The following TXNL4A variants were observed in gnomAD, a reference collection of about 807,000 sequenced individuals.
The protein encoded by TXNL4A is thioredoxin like 4A, also known as thioredoxin-like protein 4A.
In TXNL4A, 17 loss-of-function variants were observed where a neutral mutation model predicts 14.6. That is an observed-to-expected ratio of 1.16 (90% confidence interval 0.80 to 1.74). TXNL4A has a LOEUF of 1.74. TXNL4A is among the 40% of genes most tolerant of loss of function. The pLI, the probability that TXNL4A is intolerant of heterozygous loss-of-function variation, is 0.00. For synonymous variants in TXNL4A, 83 were observed against 70.6 expected (o/e 1.18, Z -0.88); for missense variants, 74 against 195.2 (o/e 0.38, Z 3.70).
At chr18:80,004,126 A>C (rs1258374093) in intron 1 of TXNL4A, among the ~76,000 whole-genome samples, 1 of 63,094 alleles carries the variant, frequency 1.6e-5, no homozygotes, top group African/African-American at 3.9e-5. Flanking sequence ...ACCATAAGCT[A>C]CTTAAAAAAA....
At chr18:79,994,945 C>G (rs766329317) in intron 1 of TXNL4A, 5 of 152,162 alleles carry the variant, frequency 3.3e-5, no homozygotes, top group Admixed American at 6.6e-5. Context: ...TACTTCCTGC[C>G]GATTCTCTGG....
intron 1 of TXNL4A, among the ~76,000 whole-genome samples, chr18:80,012,004 A>G (rs376255284): frequency 6.6e-6 from 1 of 152,152 alleles, no homozygotes; most frequent in African/African-American, 2.4e-5. Flanking sequence ...CCCTAAGAAC[A>G]AAGAGCTTGT....
In TXNL4A at chr18:80,011,545, G is replaced by A. The variant is rs2051769654; in HGVS notation, c.-61+22306C>T. Among the ~76,000 whole-genome samples, 1 of 152,082 alleles carries A rather than the reference G, an allele frequency of 6.6e-6. No homozygotes were observed. The highest frequency in any genetic ancestry group is 6.6e-5 in the Admixed American group (1 of 15,260). On this transcript the variant is annotated intron_variant, in intron 1 of 2. Coordinates refer to the TXNL4A transcript ENST00000585474. The surrounding 1 kb of genome is among the most constrained non-coding windows in gnomAD (Gnocchi z 4.1). ...GGAAAGAGTTTCTGGGGCGCCAGAT[G>A]AGTTGGTCTCCCCTGTGTGAGACAC...
chr18:80,004,061 T>C (rs1197056134), intron 1 of TXNL4A, among the ~76,000 whole-genome samples: 5 of 151,762 alleles, frequency 3.3e-5, no homozygotes, highest in African/African-American at 1.2e-4. Flanking sequence ...AGTCCTGGCT[T>C]CAAGAAATCA....
At chr18:79,986,846 C>G (rs1020957447) in intron 1 of TXNL4A, 2 of 882,494 alleles carry the variant, frequency 2.3e-6, no homozygotes, top group Non-Finnish European at 2.7e-6. Context: ...GTCAATTCTT[C>G]GCTGGATTTC....
At chr18:79,979,516 A>T (rs2051431233) in intron 1 of TXNL4A, 1 of 152,238 alleles carries the variant, frequency 6.6e-6, no homozygotes, top group Non-Finnish European at 1.5e-5. Flanking sequence ...CAAGTGTGTG[A>T]CACTCCGCCC....
intron 1 of TXNL4A, among the ~76,000 whole-genome samples, chr18:80,012,187 G>A (rs988346004): frequency 2.6e-5 from 4 of 152,162 alleles, no homozygotes; most frequent in Admixed American, 6.5e-5. Context: ...TCTTAAGAAG[G>A]GGACACCGCC....
chr18:79,997,400 A>AC (rs1016831701), intron 1 of TXNL4A, among the ~76,000 whole-genome samples: 9 of 149,014 alleles, frequency 6.0e-5, no homozygotes, highest in Non-Finnish European at 1.3e-4. Context: ...AAAAACAAAA[A>AC]AAAACAAGCA....
intron 1 of TXNL4A, among the ~76,000 whole-genome samples, chr18:80,032,609 T>C (rs376700015): frequency 1.4e-3 from 218 of 152,214 alleles, no homozygotes; most frequent in African/African-American, 5.1e-3. Context: ...GAAGGCCGAG[T>C]TGGGCGGATC....
chr18:79,982,605 G>A lies in TXNL4A; in HGVS notation c.154-4904C>T, dbSNP rs558825670. Among the ~76,000 whole-genome samples the A allele has an allele frequency of 2.0e-5, 3 of 152,146 alleles. No homozygotes were observed. The highest frequency in any genetic ancestry group is 4.4e-5 in the Non-Finnish European group (3 of 68,038). ...AGGAGACTCCGGGGAGCTGTGCCGA[G>A]TGCCCCAGAGAGGTTACCAGAAAGG... On this transcript the variant is annotated intron_variant, in intron 1 of 2. Transcript: ENST00000269601. The surrounding 1 kb of genome is among the most constrained non-coding windows in gnomAD (Gnocchi z 4.0).
intron 1 of TXNL4A, among the ~76,000 whole-genome samples, chr18:79,980,119 T>TG (rs1185539095): frequency 6.6e-6 from 1 of 152,176 alleles, no homozygotes; most frequent in Non-Finnish European, 1.5e-5. Context: ...CAGGAGGCTC[T>TG]GGGGGCATCG....
chr18:80,013,007 T>C (rs1280399004), intron 1 of TXNL4A, among the ~76,000 whole-genome samples: 1 of 150,128 alleles, frequency 6.7e-6, no homozygotes, highest in Non-Finnish European at 1.5e-5. Flanking sequence ...GTTTCGTACA[T>C]AGCAGAGCAG....
At chr18:80,005,144 G>C (rs2051721391) in intron 1 of TXNL4A, among the ~76,000 whole-genome samples, 1 of 152,246 alleles carries the variant, frequency 6.6e-6, no homozygotes. Context: ...TCGTGAGATT[G>C]TGATGATCTC....
chr18:80,028,197 A>C (rs1263796249), intron 1 of TXNL4A, among the ~76,000 whole-genome samples: 2 of 148,512 alleles, frequency 1.3e-5, no homozygotes, highest in Non-Finnish European at 3.0e-5. Context: ...TTTAGCCAAC[A>C]CCTGGACCCG....
At chr18:79,977,524 T>C (rs1568362537) in intron 2 of TXNL4A, 74 bp downstream of exon 2, 1 of 1,268,842 alleles carries the variant, frequency 7.9e-7, no homozygotes, top group Non-Finnish European at 1.1e-6. Flanking sequence ...TAAAATAATC[T>C]AAAGAGATCT....
At chr18:79,977,149 C>T (rs751632722) in intron 2 of TXNL4A, among the ~76,000 whole-genome samples, 1 of 151,940 alleles carries the variant, frequency 6.6e-6, no homozygotes, top group African/African-American at 2.4e-5. Context: ...AGTAGAGACT[C>T]GGTTTCACCA....
At chr18:80,009,125 A>C (rs550969709) in intron 1 of TXNL4A, among the ~76,000 whole-genome samples, 1 of 152,220 alleles carries the variant, frequency 6.6e-6, no homozygotes, top group African/African-American at 2.4e-5. Context: ...CTTTAAAGGA[A>C]GACAATCCTG....
chr18:80,016,849 C>G (rs1389298204), intron 1 of TXNL4A, among the ~76,000 whole-genome samples: 1 of 149,982 alleles, frequency 6.7e-6, no homozygotes, highest in Non-Finnish European at 1.5e-5. Context: ...GATGCGGGCT[C>G]TTTTTTGGTT....
At chr18:80,017,264 T>G (rs2051817760) in intron 1 of TXNL4A, among the ~76,000 whole-genome samples, 1 of 152,242 alleles carries the variant, frequency 6.6e-6, no homozygotes, top group Non-Finnish European at 1.5e-5. Flanking sequence ...GATTTTGGGC[T>G]GAGACGATGG....
Sources: gnomAD v4.1 joint callset for allele counts (sites outside exome capture counted in the v4.1 genomes callset) on GRCh38, gnomAD v4.1.1 for gene constraint, Gnocchi (gnomAD v3.1) non-coding constraint, MANE v1.5 for transcripts, NCBI Gene and HGNC (gene_info 2026-07-23, HGNC 2026-07-21) for gene names.